Variants in PARVB observed in about 807,000 individuals in gnomAD.
PARVB encodes the protein parvin beta, also known as beta-parvin.
In PARVB, 46 loss-of-function variants were observed where a neutral mutation model predicts 47.0. That is an observed-to-expected ratio of 0.98 (90% CI 0.77 to 1.25). The LOEUF (loss-of-function observed/expected upper bound fraction) is 1.25. PARVB is among the 50% of genes most tolerant of loss of function. PARVB has a pLI of 0.00. For missense variants in PARVB, 473 were observed against 471.6 expected, an observed-to-expected ratio of 1.00 and a Z score of -0.03; for synonymous variants, 196 against 196.3, an observed-to-expected ratio of 1.00 and a Z score of 0.01.
intron 1 of PARVB, among the ~76,000 whole-genome samples, chr22:44,054,159 G>A (rs1463245454): frequency 1.3e-5 from 2 of 152,178 alleles, no homozygotes; most frequent in Non-Finnish European, 2.9e-5. Context: ...TGAGAGTCCT[G>A]CCTTGGGCAG....
At chr22:44,152,749 A>G (rs998544939) in intron 10 of PARVB, 3 of 152,038 alleles carry the variant, frequency 2.0e-5, no homozygotes, top group Non-Finnish European at 2.9e-5. Flanking sequence ...ACAAAATATG[A>G]TTTTCCCAGG....
intron 11 of PARVB, among the ~76,000 whole-genome samples, chr22:44,161,990 C>T (rs922290634): frequency 3.9e-5 from 6 of 152,168 alleles, no homozygotes; most frequent in African/African-American, 1.2e-4. Context: ...GCAGGGTCTC[C>T]GTCTGCTGCA....
chr22:44,124,800 G>A (rs961373225), intron 4 of PARVB, among the ~76,000 whole-genome samples: 6 of 152,204 alleles, frequency 3.9e-5, no homozygotes, highest in South Asian at 4.1e-4. Context: ...GTTTTTCTCC[G>A]CTGTTGTGAC....
In PARVB at chr22:44,057,733, G is replaced by A. The variant is rs142887959; in HGVS notation, c.112+33282G>A. ...GGAGTCAGTCTAGCACCAGACACCC[G>A]CTTGGTGGGGGAGGGGAGTGGAAGA... On this transcript the variant is annotated intron_variant, in intron 1 of 12. Coordinates refer to ENST00000338758, the MANE Select transcript of PARVB (RefSeq NM_013327.5). Among the ~76,000 whole-genome samples, 154 of 152,218 alleles carry A rather than the reference G, an allele frequency of 1.0e-3. 2 individuals carry two copies. Among genetic ancestry groups the A allele is most frequent in the Non-Finnish European group, 7.9e-4 (54 of 68,010 alleles).
At chr22:44,131,935 G>A (rs754493448) in intron 5 of PARVB, among the ~76,000 whole-genome samples, 2 of 152,180 alleles carry the variant, frequency 1.3e-5, no homozygotes, top group Non-Finnish European at 2.9e-5. Flanking sequence ...AGCAGCCTTG[G>A]GGGGTTCTTG....
In PARVB at chr22:44,131,644, A is replaced by G; in HGVS notation, c.517+17A>G. ...GCGTGGACTGTGAGTTCCACGCCAC[A>G]GGGGGAGGGACTGTCTGGAGGGAGC... On this transcript the variant is annotated intron_variant, in intron 5 of 12. Transcript: ENST00000338758. 2 of 1,601,736 alleles carry G rather than the reference A, an allele frequency of 1.2e-6. No individual in the cohort carries two copies. The highest frequency in any genetic ancestry group is 1.7e-6 in the Non-Finnish European group (2 of 1,174,394).
At chr22:44,017,673 T>C (rs1195428510) in intron 2 of PARVB, among the ~76,000 whole-genome samples, 4 of 152,166 alleles carry the variant, frequency 2.6e-5, no homozygotes, top group Non-Finnish European at 5.9e-5. Flanking sequence ...GCTTCAAAAA[T>C]CCATTATTTC....
At chr22:44,045,761 A>G (rs1345910657) in intron 1 of PARVB, among the ~76,000 whole-genome samples, 9 of 152,194 alleles carry the variant, frequency 5.9e-5, no homozygotes, top group Admixed American at 4.6e-4. Flanking sequence ...TGAGCTTTCA[A>G]TTCTATTATG....
intron 10 of PARVB, chr22:44,151,865 C>G (rs1241050862): frequency 3.3e-6 from 1 of 299,260 alleles, no homozygotes; most frequent in Non-Finnish European, 6.5e-6. Context: ...GAGGGAGGAG[C>G]TGTTCCTGGC....
Position 44,119,052 on chromosome 22 carries a change from G to A in PARVB, c.288G>A (p.Trp96Ter). The change falls in exon 4 of 13, where the codon TGG (tryptophan) becomes TGA (stop). Residue 96 changes from tryptophan (W) to a stop codon, truncating the protein, a stop_gained. Coordinates refer to ENST00000338758, the MANE Select transcript of PARVB (RefSeq NM_013327.5). LOFTEE classifies it high-confidence loss of function. ...GTCTCCTGCAGGTCCTCCTCGACTGGATTAATGACGTGCTGGTGGAGGAGA... is the reference window on the plus strand; with the variant it reads ...GTCTCCTGCAGGTCCTCCTCGACTGAATTAATGACGTGCTGGTGGAGGAGA... The part of the protein sequence containing the change: ...FKELVKVLLD[W>*]INDVLVEERI... 6.2e-7 allele frequency: 1 copy of A among 1,613,862 alleles called. No individual in the cohort carries two copies. The highest frequency in any genetic ancestry group is 8.5e-7 in the Non-Finnish European group (1 of 1,179,726).
intron 3 of PARVB, among the ~76,000 whole-genome samples, chr22:44,100,895 T>A (rs1174002091): frequency 6.6e-6 from 1 of 152,142 alleles, no homozygotes. Context: ...GGCAGACACT[T>A]GGCTTCCATA....
At chr22:44,161,256 A>G (rs543622349) in intron 11 of PARVB, among the ~76,000 whole-genome samples, 22 of 149,902 alleles carry the variant, frequency 1.5e-4, no homozygotes, top group Non-Finnish European at 3.2e-4. Context: ...CACAGATTCT[A>G]CGTTTCAGTC....
intron 2 of PARVB, among the ~76,000 whole-genome samples, chr22:44,011,627 T>TA (rs535733508): frequency 4.1e-4 from 62 of 152,030 alleles, no homozygotes; most frequent in Non-Finnish European, 7.8e-4. Flanking sequence ...GCTGTCTCAG[T>TA]AAATAAATAA....
intron 1 of PARVB, among the ~76,000 whole-genome samples, chr22:44,090,085 C>T (rs2052128639): frequency 6.6e-6 from 1 of 152,214 alleles, no homozygotes; most frequent in Admixed American, 6.5e-5. Flanking sequence ...TGTGGGTGCT[C>T]ACGGTTCCCC....
intron 4 of PARVB, chr22:44,120,027 TA>T (rs1161387677): frequency 4.2e-5 from 16 of 380,846 alleles, no homozygotes; most frequent in South Asian, 1.3e-4. Flanking sequence ...ACAATGGTCC[TA>T]GGGGGCAGTA....
chr22:44,110,409 T>C (rs535047996), intron 3 of PARVB: 5 of 152,096 alleles, frequency 3.3e-5, no homozygotes, highest in East Asian at 1.9e-4. Context: ...TTGAGACTTA[T>C]CTTGGACACC....
At chr22:44,001,415 G>C (rs2050412231) in intron 2 of PARVB, among the ~76,000 whole-genome samples, 1 of 152,164 alleles carries the variant, frequency 6.6e-6, no homozygotes, top group South Asian at 2.1e-4. Context: ...TAACCTACTG[G>C]ACATCGTGGC....
chr22:44,070,622 G>A (rs1346091240), intron 1 of PARVB, among the ~76,000 whole-genome samples: 1 of 152,214 alleles, frequency 6.6e-6, no homozygotes. Context: ...GAGGTGGAAG[G>A]AGGGGCATAA....
chr22:44,138,007 A>G (rs1231334630), intron 7 of PARVB, among the ~76,000 whole-genome samples: 12 of 152,124 alleles, frequency 7.9e-5, no homozygotes. Flanking sequence ...GACAGCAAGG[A>G]GGAGCTGGGC....
Sources: gnomAD v4.1 joint callset for allele counts (sites outside exome capture counted in the v4.1 genomes callset) on GRCh38, gnomAD v4.1.1 for gene constraint, MANE v1.5 for transcripts, NCBI Gene and HGNC (gene_info 2026-07-23, HGNC 2026-07-21) for gene names.